Variants in GALNT13 observed in about 807,000 individuals in gnomAD.
GALNT13 encodes polypeptide N-acetylgalactosaminyltransferase 13, also known as UDP-GalNAc:polypeptide N-acetylgalactosaminyltransferase 13.
GALNT13 carries 28 observed loss-of-function variants against 64.2 expected under a neutral mutation model. The observed-to-expected ratio is 0.44, with a 90% CI of 0.32 to 0.60. The LOEUF (loss-of-function observed/expected upper bound fraction) is 0.60, where lower values mean the gene tolerates loss of function less well. Ranked by LOEUF, GALNT13 falls within the 20% of genes least tolerant of loss-of-function variation. The pLI is 0.05. For synonymous variants in GALNT13, 214 were observed against 224.6 expected, an observed-to-expected ratio of 0.95 and a Z score of 0.42; for missense variants, 577 against 669.8, an observed-to-expected ratio of 0.86 and a Z score of 1.53.
chr2:153,899,147 G>A (rs1688069248), intron 1 of GALNT13, among the ~76,000 whole-genome samples: 1 of 152,170 alleles, frequency 6.6e-6, no homozygotes, highest in Non-Finnish European at 1.5e-5. Context: ...CAGTAAGCCA[G>A]ATGTGGTTTT....
At chr2:153,787,470 G>A in the GALNT13 span, among the ~76,000 whole-genome samples, 5 of 152,298 alleles carry the variant, frequency 3.3e-5, no homozygotes, top group African/African-American at 1.2e-4. Flanking sequence ...GACATTTAAA[G>A]AAATACCCAC....
At chr2:153,639,591 G>A in the GALNT13 span, among the ~76,000 whole-genome samples, 346 of 152,262 alleles carry the variant, frequency 2.3e-3, no homozygotes, top group African/African-American at 8.0e-3. Context: ...TGGCAAAAGA[G>A]TCAAAGGTAG....
At chr2:153,098,128 T>C in the GALNT13 span, among the ~76,000 whole-genome samples, 2 of 152,158 alleles carry the variant, frequency 1.3e-5, no homozygotes, top group East Asian at 1.9e-4. Context: ...CATCACTTAG[T>C]TGCAGTCTTT....
chr2:153,665,443 C>A, the GALNT13 span, among the ~76,000 whole-genome samples: 1 of 152,112 alleles, frequency 6.6e-6, no homozygotes, highest in South Asian at 2.1e-4. Flanking sequence ...TCCTTATTGT[C>A]TATTAATATA....
Position 154,268,394 on chromosome 2 carries a change from G to A in GALNT13, c.975+9256G>A, listed in dbSNP as rs1270858865. Among the ~76,000 whole-genome samples, 6 of 152,130 alleles carry A rather than the reference G, an allele frequency of 3.9e-5. No individual in the cohort carries two copies. The South Asian group carries it at 6.2e-4, about 16-fold the overall frequency. ...ATCTATGAAATCAGATAACTTGTCT[G>A]GGGACATGAGATTGAGGTGGCAGAG... On this transcript the variant is annotated intron_variant, in intron 8 of 12. Coordinates refer to ENST00000392825, the MANE Select transcript of GALNT13 (RefSeq NM_052917.4).
intron 2 of GALNT13, among the ~76,000 whole-genome samples, chr2:153,924,725 G>GT (rs1030984192): frequency 2.0e-5 from 3 of 151,986 alleles, no homozygotes; most frequent in Admixed American, 6.6e-5. Flanking sequence ...AGCATCTGTT[G>GT]TTTTTTTACT....
the GALNT13 span, among the ~76,000 whole-genome samples, chr2:153,299,192 A>G: frequency 6.6e-6 from 1 of 152,196 alleles, no homozygotes; most frequent in Non-Finnish European, 1.5e-5. Context: ...AAGAATATTG[A>G]TGACAGAAAA....
At chr2:153,579,638 C>A in the GALNT13 span, among the ~76,000 whole-genome samples, 1 of 152,094 alleles carries the variant, frequency 6.6e-6, no homozygotes, top group African/African-American at 2.4e-5. Context: ...GTCCCCAACC[C>A]CTGGGCCATG....
intron 10 of GALNT13, among the ~76,000 whole-genome samples, chr2:154,400,045 A>G (rs547369503): frequency 6.6e-6 from 1 of 152,302 alleles, no homozygotes; most frequent in East Asian, 1.9e-4. Flanking sequence ...CAGAAGGACA[A>G]ATTCACCAAG....
At chr2:154,354,992 C>G (rs1696652127) in intron 9 of GALNT13, among the ~76,000 whole-genome samples, 1 of 152,092 alleles carries the variant, frequency 6.6e-6, no homozygotes, top group Non-Finnish European at 1.5e-5. Context: ...CCTTCCCAGT[C>G]AGAAATTAGA....
chr2:153,449,071 C>A, the GALNT13 span, among the ~76,000 whole-genome samples: 1 of 152,024 alleles, frequency 6.6e-6, no homozygotes, highest in Non-Finnish European at 1.5e-5. Flanking sequence ...TCTCTCTCTC[C>A]TGTGCATGTA....
At chr2:153,272,963 G>A in the GALNT13 span, among the ~76,000 whole-genome samples, 1 of 152,190 alleles carries the variant, frequency 6.6e-6, no homozygotes, top group Non-Finnish European at 1.5e-5. Context: ...CATGTCCTTT[G>A]TAGGGACATG....
At chr2:153,395,370 A>G in the GALNT13 span, among the ~76,000 whole-genome samples, 1 of 152,108 alleles carries the variant, frequency 6.6e-6, no homozygotes, top group African/African-American at 2.4e-5. Flanking sequence ...GGGGAAGTTG[A>G]GGTAACAGAT....
At chr2:154,159,770 T>G (rs1483064515) in intron 4 of GALNT13, among the ~76,000 whole-genome samples, 1 of 152,156 alleles carries the variant, frequency 6.6e-6, no homozygotes, top group Admixed American at 6.5e-5. Context: ...TACTACAGTG[T>G]GCACTATAAC....
At chr2:154,312,356 T>C (rs1307743349) in intron 9 of GALNT13, among the ~76,000 whole-genome samples, 1 of 152,230 alleles carries the variant, frequency 6.6e-6, no homozygotes, top group African/African-American at 2.4e-5. Flanking sequence ...CTGGTAGCAA[T>C]GAACATCTTT....
chr2:153,533,231 A>G, the GALNT13 span, among the ~76,000 whole-genome samples: 1 of 151,824 alleles, frequency 6.6e-6, no homozygotes, highest in Non-Finnish European at 1.5e-5. Flanking sequence ...TTAGGTGGAG[A>G]GGCATTTATT....
chr2:153,587,415 A>G, the GALNT13 span, among the ~76,000 whole-genome samples: 2 of 152,152 alleles, frequency 1.3e-5, no homozygotes, highest in African/African-American at 2.4e-5. Flanking sequence ...TACAAAAGAA[A>G]GAGGTTTAAT....
chr2:153,458,856 G>A, the GALNT13 span, among the ~76,000 whole-genome samples: 3 of 152,112 alleles, frequency 2.0e-5, no homozygotes, highest in African/African-American at 7.2e-5. Context: ...CAATTTCAGT[G>A]AGCAATATCT....
At chr2:153,250,011 T>A in the GALNT13 span, among the ~76,000 whole-genome samples, 1 of 152,056 alleles carries the variant, frequency 6.6e-6, no homozygotes, top group African/African-American at 2.4e-5. Context: ...AAAAAGCAAC[T>A]GCAACAGAAG....
Sources: allele counts gnomAD v4.1 joint callset (sites outside exome capture counted in the v4.1 genomes callset), GRCh38; gene constraint gnomAD v4.1.1; transcripts MANE v1.5; gene names NCBI Gene and HGNC (gene_info 2026-07-23, HGNC 2026-07-21).